Variants in SLC39A10 observed in about 807,000 individuals in gnomAD.
SLC39A10 encodes the protein solute carrier family 39 member 10.
SLC39A10 carries 13 observed loss-of-function variants against 65.1 expected under a neutral mutation model. That is an observed-to-expected ratio of 0.20 (90% CI 0.13 to 0.32). The LOEUF is 0.32. Ranked by LOEUF, SLC39A10 falls within the 10% of genes least tolerant of loss-of-function variation. The pLI, the probability that SLC39A10 is intolerant of heterozygous loss-of-function variation, is 1.00. For synonymous variants in SLC39A10, 321 were observed against 342.2 expected (o/e 0.94, Z 0.68); for missense variants, 831 against 1,018.4 (o/e 0.82, Z 2.50).
rs1050238448 is a variant in SLC39A10, at chr2:195,736,319, T to A, written c.*1278T>A. 1 of 164,996 alleles carries A rather than the reference T, an allele frequency of 6.1e-6. No individual in the cohort carries two copies. The highest frequency in any genetic ancestry group is 1.5e-5 in the Non-Finnish European group (1 of 68,110). 10.2% of individuals were successfully genotyped at this position (164,996 alleles called of 1,614,324 possible). On this transcript the variant is annotated 3_prime_UTR_variant, in exon 10 of 10. Coordinates refer to ENST00000359634, the MANE Select transcript of SLC39A10 (RefSeq NM_020342.3). ...GCAAGCCATGTTTATCCTGAATTTT[T>A]ACTTAATAATTTGTATTACTAGTCA...
intron 1 of SLC39A10, among the ~76,000 whole-genome samples, chr2:195,664,985 C>G (rs945381282): frequency 3.3e-5 from 5 of 151,976 alleles, no homozygotes; most frequent in African/African-American, 1.2e-4. Flanking sequence ...GAGTTTGAGA[C>G]CATCCTGGGC....
rs34831034 is a variant in SLC39A10, at chr2:195,618,353, C to CAAAAAAAAAA, written c.-12+12126_-12+12135dup. ...GTGTCAGAATGAGACTCCGTCTCAC[C>CAAAAAAAAAA]AAAAAAAAAAAAAAAGAGAGAGAAA... On this transcript the variant is annotated intron_variant, in intron 2 of 2. Coordinates refer to the SLC39A10 transcript ENST00000458054. 6.7e-5 allele frequency among the ~76,000 whole-genome samples: 7 copies of CAAAAAAAAAA among 103,904 alleles called. 1 individual carries two copies. The highest frequency in any genetic ancestry group is 2.5e-4 in the African/African-American group (7 of 27,578). The allele number at this position is 103,904 out of a possible 152,430, so 68.2% of individuals were successfully genotyped here. A position where few individuals can be genotyped will look rare whatever the true frequency, so the allele number is the denominator to read the frequency against.
At chr2:195,673,122 TATG>T (rs1436806519) in intron 1 of SLC39A10, among the ~76,000 whole-genome samples, 2 of 152,352 alleles carry the variant, frequency 1.3e-5, no homozygotes, top group African/African-American at 4.8e-5. Context: ...ATATGCCATA[TATG>T]ATAATTCAAC....
Position 195,736,634 on chromosome 2 carries a change from T to C in SLC39A10, c.*1593T>C, listed in dbSNP as rs929639325. On this transcript the variant is annotated 3_prime_UTR_variant, in exon 10 of 10. Transcript: ENST00000359634. ...CCAGGTATTTATAGATTATTGCCAG[T>C]GTCTTTTCTGTATGCTATAAGCAAG... 2.6e-5 allele frequency: 4 copies of C among 152,262 alleles called. No homozygotes were observed. The highest frequency in any genetic ancestry group is 5.9e-5 in the Non-Finnish European group (4 of 68,036). 9.4% of individuals were successfully genotyped at this position (152,262 alleles called of 1,614,324 possible).
chr2:195,678,743 TAGACTGAA>T (rs1690191956), intron 1 of SLC39A10, among the ~76,000 whole-genome samples: 4 of 152,202 alleles, frequency 2.6e-5, no homozygotes, highest in Admixed American at 6.5e-5. Context: ...GAAATACAGT[TAGACTGAA>T]TTAGGATGTG....
chr2:195,624,181 T>C (rs530487100), intron 2 of SLC39A10, among the ~76,000 whole-genome samples: 1 of 151,744 alleles, frequency 6.6e-6, no homozygotes, highest in South Asian at 2.1e-4. Flanking sequence ...AGGTTGGTAG[T>C]TCGAGACCAG....
At chr2:195,653,719 C>T (rs1019939902), upstream of SLC39A10, among the ~76,000 whole-genome samples, 2 of 152,196 alleles carry the variant, frequency 1.3e-5, no homozygotes, top group Admixed American at 1.3e-4. Context: ...AGTGACCATT[C>T]AGTTAGTTGG....
At chr2:195,618,731 A>C (rs564754886) in intron 2 of SLC39A10, among the ~76,000 whole-genome samples, 1 of 152,342 alleles carries the variant, frequency 6.6e-6, no homozygotes, top group South Asian at 2.1e-4. Flanking sequence ...TCCTGAATGC[A>C]TATTAAGCAA....
At chr2:195,707,171 C>G (rs1691432667) in intron 4 of SLC39A10, among the ~76,000 whole-genome samples, 1 of 152,108 alleles carries the variant, frequency 6.6e-6, no homozygotes, top group Non-Finnish European at 1.5e-5. Flanking sequence ...GGCAGATACA[C>G]TCAGTGCGCT....
At chr2:195,630,226 A>G (rs1426428756) in intron 2 of SLC39A10, among the ~76,000 whole-genome samples, 1 of 150,012 alleles carries the variant, frequency 6.7e-6, no homozygotes, top group African/African-American at 2.5e-5. Context: ...GACTGCATTC[A>G]AGTTGGGGTT....
intron 3 of SLC39A10, among the ~76,000 whole-genome samples, chr2:195,691,746 T>C (rs921472920): frequency 1.3e-5 from 2 of 152,246 alleles, no homozygotes; most frequent in Non-Finnish European, 2.9e-5. Context: ...TTTCAGTTCT[T>C]TGTAGATTCT....
intron 2 of SLC39A10, among the ~76,000 whole-genome samples, chr2:195,635,562 C>T (rs970688851): frequency 1.3e-5 from 2 of 152,212 alleles, no homozygotes; most frequent in Non-Finnish European, 1.5e-5. Flanking sequence ...GTCTTCTTCA[C>T]AGGCACCATA....
intron 2 of SLC39A10, among the ~76,000 whole-genome samples, chr2:195,643,008 A>G (rs1028625809): frequency 2.0e-5 from 3 of 152,208 alleles, no homozygotes; most frequent in Admixed American, 2.0e-4. Context: ...ACAACTAGGT[A>G]GGTACCTTAC....
At chr2:195,657,131 T>G (rs934327295), upstream of SLC39A10, 1 of 153,104 alleles carries the variant, frequency 6.5e-6, no homozygotes, top group African/African-American at 2.4e-5. Flanking sequence ...GGGAGCTGAG[T>G]GGACCTTGTA....
chr2:195,736,837 G>A lies in SLC39A10; in HGVS notation c.*1796G>A, dbSNP rs1692628288. The A allele has an allele frequency of 6.6e-6, 1 of 152,506 alleles. No individual in the cohort carries two copies. Among genetic ancestry groups the A allele is most frequent in the Admixed American group, 6.6e-5 (1 of 15,242 alleles). The allele number at this position is 152,506 out of a possible 1,614,324, so 9.4% of individuals were successfully genotyped here. ...GCCCTTCAAGCAACCTAGCTAAAAG[G>A]TGCTGATATTTTATTTAGTACTGCC... On this transcript the variant is annotated 3_prime_UTR_variant, in exon 10 of 10. Transcript: ENST00000359634.
chr2:195,719,926 G>A (rs919816694), intron 8 of SLC39A10, among the ~76,000 whole-genome samples: 1 of 151,894 alleles, frequency 6.6e-6, no homozygotes, highest in Non-Finnish European at 1.5e-5. Flanking sequence ...GAGTAGCTGC[G>A]ATTACAGGCT....
At chr2:195,717,653 C>T (rs191104457) in intron 7 of SLC39A10, among the ~76,000 whole-genome samples, 41 of 152,152 alleles carry the variant, frequency 2.7e-4, no homozygotes, top group African/African-American at 8.9e-4. Context: ...CTCCAGGCCT[C>T]AAGCAACCCT....
Position 195,736,462 on chromosome 2 carries a change from C to T in SLC39A10, c.*1421C>T, listed in dbSNP as rs1183422773. 3 of 164,954 alleles carry T rather than the reference C, an allele frequency of 1.8e-5. No homozygotes were observed. In the East Asian group the frequency reaches 5.8e-4, roughly 32 times the overall value. The allele number at this position is 164,954 out of a possible 1,614,324, so 10.2% of individuals were successfully genotyped here. ...TTAATCTGCTTGGCAACCAGTGTAGCTGCTGTAACAATCTATCTTATTGTT... is the reference window on the plus strand; with the variant it reads ...TTAATCTGCTTGGCAACCAGTGTAGTTGCTGTAACAATCTATCTTATTGTT... On this transcript the variant is annotated 3_prime_UTR_variant, in exon 10 of 10. Coordinates refer to ENST00000359634, the MANE Select transcript of SLC39A10 (RefSeq NM_020342.3).
chr2:195,625,222 A>AAATG (rs1688443563), intron 2 of SLC39A10, among the ~76,000 whole-genome samples: 1 of 112,184 alleles, frequency 8.9e-6, no homozygotes, highest in African/African-American at 3.1e-5. Context: ...GTCTCAAAAA[A>AAATG]AAAGAAAGAA....
Sources: gnomAD v4.1 joint callset for allele counts (sites outside exome capture counted in the v4.1 genomes callset) on GRCh38, gnomAD v4.1.1 for gene constraint, MANE v1.5 for transcripts, NCBI Gene and HGNC (gene_info 2026-07-23, HGNC 2026-07-21) for gene names.